Variants in GPC6 observed in about 807,000 individuals in gnomAD.
GPC6 encodes glypican-6.
GPC6 carries 14 observed loss-of-function variants against 55.2 expected under a neutral mutation model. The observed-to-expected ratio is 0.25, with a 90% CI of 0.17 to 0.40. The LOEUF (loss-of-function observed/expected upper bound fraction) is 0.40, where lower values mean the gene tolerates loss of function less well. Among genes scored for constraint, GPC6 ranks in the 10% least tolerant of loss-of-function variants. GPC6 has a pLI of 1.00. For synonymous variants in GPC6, 278 were observed against 259.6 expected, an observed-to-expected ratio of 1.07 and a Z score of -0.68; for missense variants, 641 against 708.5, an observed-to-expected ratio of 0.90 and a Z score of 1.08.
chr13:94,168,380 A>G (rs923301035), intron 4 of GPC6, among the ~76,000 whole-genome samples: 3 of 152,170 alleles, frequency 2.0e-5, no homozygotes, highest in African/African-American at 7.2e-5. Flanking sequence ...AGCTTGAGGG[A>G]AACAGTCCAG....
At chr13:94,032,272 TATAAC>T (rs557638804) in intron 4 of GPC6, among the ~76,000 whole-genome samples, 18 of 152,270 alleles carry the variant, frequency 1.2e-4, no homozygotes, top group Non-Finnish European at 2.4e-4. Flanking sequence ...TTAAAATAAT[TATAAC>T]AAACTATGAC....
intron 1 of GPC6, among the ~76,000 whole-genome samples, chr13:93,435,182 A>G (rs1027095927): frequency 3.9e-5 from 6 of 152,094 alleles, no homozygotes; most frequent in African/African-American, 1.2e-4. Context: ...TGGTGCAGCC[A>G]TAGCTCACTA....
chr13:94,324,843 G>GT (rs1236324981), intron 6 of GPC6, among the ~76,000 whole-genome samples: 2 of 152,108 alleles, frequency 1.3e-5, no homozygotes, highest in Non-Finnish European at 2.9e-5. Context: ...GATACGCCAC[G>GT]TTTGTGACAT....
rs114399649 is a variant in GPC6 at position 94,052,394 on chromosome 13, G to C, written c.877+24500G>C. On this transcript the variant is annotated intron_variant, in intron 4 of 8. Transcript: ENST00000377047. ...GGTGGGTTGGCAGGGAAGGAAAAGG[G>C]GTGAAAATGCCTAACGGTATCATTA... Among the ~76,000 whole-genome samples the C allele has an allele frequency of 1.8e-3, 269 of 152,248 alleles. 1 individual carries two copies. Among genetic ancestry groups the C allele is most frequent in the African/African-American group, 5.5e-3 (228 of 41,540 alleles).
Position 93,895,236 on chromosome 13 carries a change from A to ATG in GPC6, c.711+64692_711+64693insGT, listed in dbSNP as rs1489088469. Among the ~76,000 whole-genome samples the ATG allele has an allele frequency of 4.7e-3, 152 of 32,002 alleles. 5 individuals are homozygous for ATG. The highest frequency in any genetic ancestry group is 0.017 in the African/African-American group (142 of 8,250). The allele number at this position is 32,002 out of a possible 152,430, so 21.0% of individuals were successfully genotyped here. A position where few individuals can be genotyped will look rare whatever the true frequency, so the allele number is the denominator to read the frequency against. ...TGTGTGTATGTATGTGTGTGTGTGT[A>ATG]TATATATATATATATATATATATAT... On this transcript the variant is annotated intron_variant, in intron 3 of 8. Coordinates refer to ENST00000377047, the MANE Select transcript of GPC6 (RefSeq NM_005708.5).
At chr13:93,692,180 T>A (rs1217766288) in intron 2 of GPC6, among the ~76,000 whole-genome samples, 1 of 152,074 alleles carries the variant, frequency 6.6e-6, no homozygotes, top group Admixed American at 6.6e-5. Flanking sequence ...CTTTTGCCCA[T>A]GGAATAAGAT....
chr13:93,749,800 GA>G (rs1207572328), intron 2 of GPC6, among the ~76,000 whole-genome samples: 2 of 151,874 alleles, frequency 1.3e-5, no homozygotes, highest in African/African-American at 4.8e-5. Flanking sequence ...TACTTGTGAC[GA>G]AAAAAATACA....
intron 2 of GPC6, among the ~76,000 whole-genome samples, chr13:93,615,260 G>C (rs1393780909): frequency 6.6e-6 from 1 of 152,026 alleles, no homozygotes; most frequent in African/African-American, 2.4e-5. Flanking sequence ...ACAATTATAT[G>C]AATTATCAAA....
Position 94,403,185 on chromosome 13 carries a change from A to G in GPC6, c.1636A>G (p.Ile546Val). 1 of 1,613,962 alleles carries G rather than the reference A, an allele frequency of 6.2e-7. No homozygotes were observed. The highest frequency in any genetic ancestry group is 1.3e-5 in the African/African-American group (1 of 75,042). ...HSLLSWSLTC[I>V]VLALQRLCR ...CCTGCTCTCCTGGTCTCTCACCTGC[A>G]TTGTCCTGGCACTGCAGAGACTGTG... is the stretch of plus-strand genomic sequence containing the variant. Residue 546 changes from isoleucine to valine, a missense_variant, in exon 9 of 9, where the codon ATT becomes GTT. By Grantham distance (29) the Ile-to-Val change is conservative. Coordinates refer to ENST00000377047, the MANE Select transcript of GPC6 (RefSeq NM_005708.5).
rs116612210 is a variant in GPC6 at position 93,881,638 on chromosome 13, A to G, written c.711+51093A>G. On this transcript the variant is annotated intron_variant, in intron 3 of 8. Coordinates refer to ENST00000377047, the MANE Select transcript of GPC6 (RefSeq NM_005708.5). ...CTCAGTGGACAGAGCTAGGAAATGT[A>G]TGAGTGTTTAGTCACCCATGCATAT... Among the ~76,000 whole-genome samples, 443 of 152,186 alleles carry G rather than the reference A, an allele frequency of 2.9e-3. 5 individuals carry two copies. The highest frequency in any genetic ancestry group is 1.0e-2 in the African/African-American group (414 of 41,536).
chr13:93,910,360 G>A (rs959597558), intron 3 of GPC6, among the ~76,000 whole-genome samples: 1 of 152,078 alleles, frequency 6.6e-6, no homozygotes, highest in African/African-American at 2.4e-5. Context: ...GGCCTCCCCA[G>A]CCACATGGAA....
chr13:94,250,080 T>C (rs2139036261), intron 4 of GPC6, among the ~76,000 whole-genome samples: 1 of 152,302 alleles, frequency 6.6e-6, no homozygotes, highest in South Asian at 2.1e-4. Flanking sequence ...TAAGCATTAA[T>C]AAATGCCAAG....
intron 1 of GPC6, among the ~76,000 whole-genome samples, chr13:93,382,964 A>G (rs1365572847): frequency 6.6e-6 from 1 of 151,836 alleles, no homozygotes; most frequent in Non-Finnish European, 1.5e-5. Flanking sequence ...CATTCCTCTG[A>G]TATAAAAGTT....
At chr13:94,067,160 A>G (rs899103169) in intron 4 of GPC6, among the ~76,000 whole-genome samples, 3 of 152,176 alleles carry the variant, frequency 2.0e-5, no homozygotes, top group Non-Finnish European at 2.9e-5. Flanking sequence ...TACCTACTCA[A>G]ATTCCAAAGT....
chr13:93,826,648 G>A (rs187039432), intron 2 of GPC6, among the ~76,000 whole-genome samples: 4 of 152,316 alleles, frequency 2.6e-5, no homozygotes, highest in Non-Finnish European at 5.9e-5. Context: ...AGCTTTTGCT[G>A]TGTGATGTAG....
At chr13:93,920,587 G>T (rs1877517316) in intron 3 of GPC6, among the ~76,000 whole-genome samples, 1 of 152,090 alleles carries the variant, frequency 6.6e-6, no homozygotes, top group Admixed American at 6.5e-5. Context: ...CCTCTAAGAA[G>T]CCTTGAATCA....
intron 4 of GPC6, among the ~76,000 whole-genome samples, chr13:94,134,220 T>G (rs1167134365): frequency 6.6e-6 from 1 of 152,224 alleles, no homozygotes; most frequent in East Asian, 1.9e-4. Flanking sequence ...CTGTGAGCAT[T>G]AGACAGAGCC....
At chr13:94,271,997 A>G (rs1892043044) in intron 4 of GPC6, among the ~76,000 whole-genome samples, 1 of 152,102 alleles carries the variant, frequency 6.6e-6, no homozygotes. Flanking sequence ...CTGACCCATG[A>G]TTACAGGGTC....
chr13:93,558,372 G>C (rs1200960857), intron 2 of GPC6, among the ~76,000 whole-genome samples: 1 of 152,048 alleles, frequency 6.6e-6, no homozygotes, highest in Non-Finnish European at 1.5e-5. Context: ...AATGCTGATC[G>C]GTACCATGAA....
Sources: gnomAD v4.1 joint callset for allele counts (sites outside exome capture counted in the v4.1 genomes callset) on GRCh38, gnomAD v4.1.1 for gene constraint, MANE v1.5 for transcripts, NCBI Gene and HGNC (gene_info 2026-07-23, HGNC 2026-07-21) for gene names.